The following TMEM114 variants were observed in gnomAD, a reference collection of about 807,000 sequenced individuals.
TMEM114 encodes claudin-26.
TMEM114 carries 6 observed loss-of-function variants against 6.2 expected under a neutral mutation model. That is an observed-to-expected ratio of 0.97 (90% CI 0.53 to 1.91). TMEM114 has a LOEUF of 1.91. Ranked by LOEUF, TMEM114 falls within the 40% of genes most tolerant of loss-of-function variation. TMEM114 has a pLI of 0.01. For synonymous variants in TMEM114, 104 were observed against 73.0 expected, an observed-to-expected ratio of 1.42 and a Z score of -2.16; for missense variants, 218 against 158.3, an observed-to-expected ratio of 1.38 and a Z score of -2.02.
At chr16:8,553,397 C>T (rs4556768) in intron 2 of TMEM114, among the ~76,000 whole-genome samples, 63,485 of 151,856 alleles carry the variant, frequency 0.42, 13,627 homozygotes, top group East Asian at 0.52. Flanking sequence ...GATTCAAGGA[C>T]TTGAATCTTT....
At chr16:8,582,675 A>T (rs774132198) in intron 2 of TMEM114, among the ~76,000 whole-genome samples, 1 of 152,096 alleles carries the variant, frequency 6.6e-6, no homozygotes, top group African/African-American at 2.4e-5. Context: ...GGATCACTTG[A>T]GGTCAAGAGT....
intron 2 of TMEM114, among the ~76,000 whole-genome samples, chr16:8,573,267 C>T (rs1346143652): frequency 3.3e-5 from 5 of 152,078 alleles, no homozygotes; most frequent in Admixed American, 3.3e-4. Context: ...GACATGCTGC[C>T]CCCGGGTTGC....
At chr16:8,534,562 G>A (rs1900301860), downstream of TMEM114, among the ~76,000 whole-genome samples, 1 of 152,126 alleles carries the variant, frequency 6.6e-6, no homozygotes, top group South Asian at 2.1e-4. Flanking sequence ...CTTTGGCAGT[G>A]AAAGAAAAAA....
chr16:8,535,418 C>T (rs4787249), downstream of TMEM114, among the ~76,000 whole-genome samples: 83,240 of 151,048 alleles, frequency 0.55, 23,146 homozygotes, highest in South Asian at 0.68. Context: ...ATTTTTTTTT[C>T]TTCTTACAAT....
chr16:8,583,721 C>G lies in TMEM114; in HGVS notation c.301+5492G>C, dbSNP rs760434757. Among the ~76,000 whole-genome samples, 8 of 151,600 alleles carry G rather than the reference C, an allele frequency of 5.3e-5. 1 individual carries two copies. Among genetic ancestry groups the G allele is most frequent in the Non-Finnish European group, 1.2e-4 (8 of 67,940 alleles). Reference sequence around the variant, plus strand: ...TATGATTGTGCTACTACACTGCAGCCTGGGCAACAGAGCAAGACCATGTCT... The same window carrying G: ...TATGATTGTGCTACTACACTGCAGCGTGGGCAACAGAGCAAGACCATGTCT... On this transcript the variant is annotated intron_variant, in intron 2 of 3. Coordinates refer to ENST00000620492, the MANE Select transcript of TMEM114 (RefSeq NM_001146336.2).
At chr16:8,552,508 G>GTACA (rs33923749) in intron 2 of TMEM114, among the ~76,000 whole-genome samples, 1,547 of 146,620 alleles carry the variant, frequency 0.011, 18 homozygotes, top group African/African-American at 0.032. Context: ...GCACAAAACT[G>GTACA]CACACACACA....
chr16:8,560,752 G>A (rs916074740), intron 2 of TMEM114, among the ~76,000 whole-genome samples: 2 of 152,144 alleles, frequency 1.3e-5, no homozygotes, highest in Non-Finnish European at 2.9e-5. Flanking sequence ...CTATGTCTGG[G>A]ATCCCCCATC....
downstream of TMEM114, among the ~76,000 whole-genome samples, chr16:8,566,044 C>T (rs1219207118): frequency 6.6e-6 from 1 of 151,916 alleles, no homozygotes; most frequent in Non-Finnish European, 1.5e-5. Context: ...AGAACCAATC[C>T]AATGGATTAA....
intron 3 of TMEM114, among the ~76,000 whole-genome samples, chr16:8,570,212 A>G (rs1015553082): frequency 6.6e-6 from 1 of 152,082 alleles, no homozygotes; most frequent in African/African-American, 2.4e-5. Flanking sequence ...CCCTTCCCAC[A>G]CATGGCAGCT....
chr16:8,547,392 C>CTTT (rs1382227815), intron 2 of TMEM114, among the ~76,000 whole-genome samples: 1 of 144,564 alleles, frequency 6.9e-6, no homozygotes, highest in African/African-American at 2.6e-5. Flanking sequence ...TTCTTTCTTT[C>CTTT]TTTCTTTTTT....
chr16:8,539,457 G>A (rs1159716427), intron 2 of TMEM114, among the ~76,000 whole-genome samples: 2 of 152,144 alleles, frequency 1.3e-5, no homozygotes, highest in Non-Finnish European at 2.9e-5. Flanking sequence ...ACCCAGAGGA[G>A]GGCTCTGCCT....
downstream of TMEM114, among the ~76,000 whole-genome samples, chr16:8,535,713 T>G (rs1485548026): frequency 6.6e-6 from 1 of 152,222 alleles, no homozygotes; most frequent in Non-Finnish European, 1.5e-5. Context: ...CTGCAAATTT[T>G]GGTTCCTGCA....
At chr16:8,534,754 T>A (rs187879120), downstream of TMEM114, among the ~76,000 whole-genome samples, 4 of 152,328 alleles carry the variant, frequency 2.6e-5, no homozygotes, top group African/African-American at 9.6e-5. Context: ...ATGGTCAACA[T>A]TGAATTCATG....
Position 8,544,591 on chromosome 16 carries a change from A to T in TMEM114, n.213-6765T>A, listed in dbSNP as rs182248924. ...GAAATGAGGAATGATAGCTCATAAG[A>T]CTCTTAGGAACAGACGTTGCTGATA... On this transcript the variant is annotated intron_variant and non_coding_transcript_variant, in intron 2 of 2. Transcript: ENST00000623677. Among the ~76,000 whole-genome samples the T allele has an allele frequency of 3.3e-5, 5 of 152,152 alleles. No individual in the cohort carries two copies. The East Asian group carries it at 9.7e-4, about 29-fold the overall frequency.
downstream of TMEM114, among the ~76,000 whole-genome samples, chr16:8,532,832 G>A (rs1413190425): frequency 2.0e-5 from 3 of 152,142 alleles, no homozygotes; most frequent in African/African-American, 4.8e-5. Flanking sequence ...GCTGAGGCAG[G>A]AGAATGGCAT....
chr16:8,577,475 G>A (rs1342077285), intron 2 of TMEM114, among the ~76,000 whole-genome samples: 1 of 152,176 alleles, frequency 6.6e-6, no homozygotes, highest in African/African-American at 2.4e-5. Context: ...TCACCTCTGT[G>A]AGCCCTCATT....
chr16:8,564,814 T>C (rs546377155), downstream of TMEM114, among the ~76,000 whole-genome samples: 331 of 112,448 alleles, frequency 2.9e-3, 6 homozygotes, highest in African/African-American at 9.3e-3. Flanking sequence ...AGTGAGTGAA[T>C]GAGTGAGTGA....
the TMEM114 span, chr16:8,526,572 A>G: frequency 6.6e-6 from 1 of 151,752 alleles, no homozygotes; most frequent in African/African-American, 2.4e-5. Flanking sequence ...GCCAATATTT[A>G]TTTTGTATCG....
At chr16:8,552,158 T>C (rs958339504) in intron 2 of TMEM114, among the ~76,000 whole-genome samples, 53 of 151,192 alleles carry the variant, frequency 3.5e-4, no homozygotes, top group Non-Finnish European at 1.0e-4. Context: ...GAGGATCACT[T>C]GAAGCCAGGA....
Sources: allele counts gnomAD v4.1 joint callset (sites outside exome capture counted in the v4.1 genomes callset), GRCh38; gene constraint gnomAD v4.1.1; transcripts MANE v1.5; gene names NCBI Gene and HGNC (gene_info 2026-07-23, HGNC 2026-07-21).